Variants in SIPA1L2 observed in about 807,000 individuals in gnomAD.
SIPA1L2 encodes signal-induced proliferation-associated 1-like protein 2.
In SIPA1L2, 56 loss-of-function variants were observed where a neutral mutation model predicts 163.9. The observed-to-expected ratio is 0.34, with a 90% CI of 0.28 to 0.43. The LOEUF (loss-of-function observed/expected upper bound fraction) is 0.43, where lower values mean the gene tolerates loss of function less well. Among genes scored for constraint, SIPA1L2 ranks in the 20% least tolerant of loss-of-function variants. The probability of loss-of-function intolerance (pLI) is 1.00; values close to 1 mark genes in which losing one functional copy is unlikely to be tolerated. For missense variants in SIPA1L2, 1,974 were observed against 2,193.5 expected, an observed-to-expected ratio of 0.90 and a Z score of 2.00; for synonymous variants, 877 against 865.7, an observed-to-expected ratio of 1.01 and a Z score of -0.23.
At chr1:232,611,590 A>G (rs1239272938) in intron 1 of SIPA1L2, among the ~76,000 whole-genome samples, 1 of 152,156 alleles carries the variant, frequency 6.6e-6, no homozygotes, top group African/African-American at 2.4e-5. Context: ...GACTAGTGGC[A>G]TTTTACCCTT....
chr1:232,493,005 G>A (rs1306965839), intron 4 of SIPA1L2, among the ~76,000 whole-genome samples: 1 of 151,868 alleles, frequency 6.6e-6, no homozygotes, highest in African/African-American at 2.4e-5. Flanking sequence ...ATGTCAAATT[G>A]GAGAAGAGGC....
chr1:232,574,019 G>C (rs988771812), intron 2 of SIPA1L2, among the ~76,000 whole-genome samples, 155 bp downstream of exon 2: 1 of 152,088 alleles, frequency 6.6e-6, no homozygotes, highest in Non-Finnish European at 1.5e-5. Context: ...GCTCACCCAT[G>C]TATTTGCTGT....
At chr1:232,600,834 A>C (rs1362360694) in intron 1 of SIPA1L2, among the ~76,000 whole-genome samples, 3 of 152,204 alleles carry the variant, frequency 2.0e-5, no homozygotes, top group Admixed American at 1.3e-4. Context: ...GCCTCAGGGC[A>C]CATAGGTGAC....
intron 10 of SIPA1L2, among the ~76,000 whole-genome samples, chr1:232,454,880 T>G (rs977903229): frequency 2.0e-5 from 3 of 152,204 alleles, no homozygotes; most frequent in African/African-American, 4.8e-5. Flanking sequence ...ATAGCCAAAA[T>G]ATGAATAAGT....
At chr1:232,422,670 A>G (rs1661640567) in intron 18 of SIPA1L2, among the ~76,000 whole-genome samples, 1 of 152,234 alleles carries the variant, frequency 6.6e-6, no homozygotes. Flanking sequence ...AACTCTATCT[A>G]CACAGCAATT....
At chr1:232,522,404 A>T (rs1667496472) in intron 2 of SIPA1L2, among the ~76,000 whole-genome samples, 1 of 151,886 alleles carries the variant, frequency 6.6e-6, no homozygotes, top group Non-Finnish European at 1.5e-5. Context: ...CCTTACTAAG[A>T]GGTGTTATCC....
intron 10 of SIPA1L2, among the ~76,000 whole-genome samples, chr1:232,455,647 G>A (rs113710338): frequency 0.022 from 3,313 of 147,586 alleles, 52 homozygotes; most frequent in Non-Finnish European, 0.037. Flanking sequence ...GCAGCGAGCC[G>A]GAGCTTGCAG....
intron 10 of SIPA1L2, among the ~76,000 whole-genome samples, chr1:232,450,333 A>G (rs960370524): frequency 1.3e-5 from 2 of 152,208 alleles, no homozygotes; most frequent in African/African-American, 4.8e-5. Flanking sequence ...ATTGCTTCCA[A>G]GTGTTTTCTG....
chr1:232,462,059 A>G, intron 9 of SIPA1L2: 1 of 738,088 alleles, frequency 1.4e-6, no homozygotes, highest in Non-Finnish European at 2.4e-6. Context: ...TGGAAGCCTC[A>G]GTGTATGTAC....
chr1:232,516,797 A>G (rs1667238654), intron 2 of SIPA1L2, among the ~76,000 whole-genome samples: 1 of 152,202 alleles, frequency 6.6e-6, no homozygotes, highest in African/African-American at 2.4e-5. Flanking sequence ...ACCGAATTAC[A>G]GTTATTAATA....
At chr1:232,417,415 C>T (rs1410532793) in intron 18 of SIPA1L2, among the ~76,000 whole-genome samples, 1 of 152,114 alleles carries the variant, frequency 6.6e-6, no homozygotes, top group South Asian at 2.1e-4. Flanking sequence ...TCTCCACATG[C>T]TCTTCTTTGA....
rs1187016528 is a variant in SIPA1L2 at position 232,601,303 on chromosome 1, C to T, written c.-318-27081G>A. ...TGTTGCCCAGGCTAGTCTCAATCTC[C>T]TGGGCCCAAGCAATCCTCCTACAGA... On this transcript the variant is annotated intron_variant, in intron 1 of 22. Coordinates refer to ENST00000674635, the MANE Select transcript of SIPA1L2 (RefSeq NM_020808.5). Among the ~76,000 whole-genome samples the T allele has an allele frequency of 2.0e-5, 3 of 152,306 alleles. No homozygotes were observed. The East Asian group carries it at 5.8e-4, about 29-fold the overall frequency.
rs1327116807 is a variant in SIPA1L2, at chr1:232,398,532, T to TGAACTA, written c.*589_*594dup. The TGAACTA allele has an allele frequency of 6.6e-6, 1 of 152,446 alleles. No individual in the cohort carries two copies. The highest frequency in any genetic ancestry group is 1.5e-5 in the Non-Finnish European group (1 of 68,050). The allele number at this position is 152,446 out of a possible 1,614,324, so 9.4% of individuals were successfully genotyped here. A position where few individuals can be genotyped will look rare whatever the true frequency, so the allele number is the denominator to read the frequency against. On this transcript the variant is annotated 3_prime_UTR_variant, in exon 23 of 23. Coordinates refer to ENST00000674635, the MANE Select transcript of SIPA1L2 (RefSeq NM_020808.5). ...AATAAGTCTCTAAGGTAACTGCATCTGAACTAGTGTTAAACACAACAGTGC... is the reference window on the plus strand; with the variant it reads ...AATAAGTCTCTAAGGTAACTGCATCTGAACTAGAACTAGTGTTAAACACAACAGTGC...
chr1:232,463,598 G>C (rs762860029), intron 9 of SIPA1L2, among the ~76,000 whole-genome samples: 1 of 152,160 alleles, frequency 6.6e-6, no homozygotes, highest in African/African-American at 2.4e-5. Context: ...AAATATCCAG[G>C]GAAAGTACAT....
chr1:232,594,646 CTTTTT>C (rs1171270097), intron 1 of SIPA1L2, among the ~76,000 whole-genome samples: 2 of 152,062 alleles, frequency 1.3e-5, no homozygotes, highest in South Asian at 2.1e-4. Context: ...TCTAGCTATT[CTTTTT>C]AAGTTTTTTT....
chr1:232,454,519 C>A (rs928980705), intron 10 of SIPA1L2, among the ~76,000 whole-genome samples: 2 of 152,212 alleles, frequency 1.3e-5, no homozygotes, highest in African/African-American at 4.8e-5. Context: ...CACTGTAATA[C>A]TTCAAAATTA....
chr1:232,521,378 A>G (rs1667451128), intron 2 of SIPA1L2, among the ~76,000 whole-genome samples: 1 of 152,214 alleles, frequency 6.6e-6, no homozygotes, highest in African/African-American at 2.4e-5. Context: ...GCAGGACCTC[A>G]ATAAAGAAAC....
chr1:232,564,149 CGT>C (rs560949113), intron 2 of SIPA1L2, among the ~76,000 whole-genome samples: 10,627 of 44,330 alleles, frequency 0.24, 2,647 homozygotes, highest in Non-Finnish European at 0.28. Context: ...TTTTTTTTTT[CGT>C]GTGTGTGTGT....
intron 2 of SIPA1L2, among the ~76,000 whole-genome samples, chr1:232,553,977 G>T (rs1658552927): frequency 2.0e-5 from 3 of 152,098 alleles, no homozygotes; most frequent in African/African-American, 7.2e-5. Context: ...AAGGCCCCAT[G>T]GTAGGCAATG....
Sources: gnomAD v4.1 joint callset for allele counts (sites outside exome capture counted in the v4.1 genomes callset) on GRCh38, gnomAD v4.1.1 for gene constraint, MANE v1.5 for transcripts, NCBI Gene and HGNC (gene_info 2026-07-23, HGNC 2026-07-21) for gene names.